NPHP1: variants seen among roughly 807,000 people sequenced by gnomAD.
NPHP1 encodes the protein nephrocystin-1.
A neutral mutation model predicts 90.4 loss-of-function variants in NPHP1; 70 were observed. That is an observed-to-expected ratio of 0.77 (90% CI 0.64 to 0.95). The LOEUF (loss-of-function observed/expected upper bound fraction) is 0.95, where lower values mean the gene tolerates loss of function less well. Among genes scored for constraint, NPHP1 ranks in the 40% least tolerant of loss-of-function variants. The pLI is 0.00. For missense variants in NPHP1, 764 were observed against 795.9 expected, an observed-to-expected ratio of 0.96 and a Z score of 0.48; for synonymous variants, 256 against 271.7, an observed-to-expected ratio of 0.94 and a Z score of 0.57.
chr2:110,168,673 T>A (rs1180998510), intron 5 of NPHP1, 120 bp from the exon 6 acceptor site: 2 of 715,478 alleles, frequency 2.8e-6, no homozygotes, highest in African/African-American at 3.6e-5. Context: ...AATCCAATAT[T>A]TATCCTAAGG....
chr2:110,173,101 G>A (rs1346739416), intron 4 of NPHP1, among the ~76,000 whole-genome samples: 1 of 151,686 alleles, frequency 6.6e-6, no homozygotes, highest in Non-Finnish European at 1.5e-5. Flanking sequence ...TGGGACTACA[G>A]GCATGCACCA....
At chr2:110,169,505 A>G (rs1682958950) in intron 5 of NPHP1, among the ~76,000 whole-genome samples, 1 of 152,122 alleles carries the variant, frequency 6.6e-6, no homozygotes, top group Admixed American at 6.5e-5. Flanking sequence ...CCACCTATGG[A>G]CATTGCCTAA....
chr2:110,138,933 C>A (rs1680422922), intron 16 of NPHP1, among the ~76,000 whole-genome samples: 1 of 152,030 alleles, frequency 6.6e-6, no homozygotes, highest in South Asian at 2.1e-4. Context: ...ATTAGATATT[C>A]TTTAGAGAAA....
At chr2:110,137,936 C>T (rs1680328070) in intron 16 of NPHP1, among the ~76,000 whole-genome samples, 1 of 150,880 alleles carries the variant, frequency 6.6e-6, no homozygotes, top group African/African-American at 2.4e-5. Context: ...AAATGTCCAA[C>T]AATGATAGAC....
At chr2:110,150,725 T>A (rs1239471818) in intron 11 of NPHP1, among the ~76,000 whole-genome samples, 1 of 151,742 alleles carries the variant, frequency 6.6e-6, no homozygotes, top group East Asian at 2.0e-4. Context: ...AATTTTTGTA[T>A]TTTTAGTAGA....
chr2:110,165,096 T>C lies in NPHP1; in HGVS notation c.684A>G (p.Val228=), dbSNP rs138705625. ...CATCTGCTGTTTCATCCACCGCCTC[T>C]ACATCTTCTTCACTGCCCTCTTCAC... is the stretch of plus-strand genomic sequence containing the variant. ...ESSEEGSEED[V]EAVDETADGA... is the part of the protein sequence containing the mutation. Residue 228 remains valine (V), a synonymous_variant, in exon 7 of 20, where the codon GTA becomes GTG. Transcript: ENST00000445609. 5.6e-6 allele frequency: 9 copies of C among 1,613,896 alleles called. No homozygotes were observed. The highest frequency in any genetic ancestry group is 7.6e-6 in the Non-Finnish European group (9 of 1,179,832).
At chr2:110,176,353 A>C (rs1039757459) in intron 4 of NPHP1, among the ~76,000 whole-genome samples, 3 of 151,940 alleles carry the variant, frequency 2.0e-5, no homozygotes, top group African/African-American at 7.3e-5. Context: ...CATTTCATTC[A>C]TCTTTTCTTC....
At chr2:110,140,140 G>A (rs1473441323) in intron 16 of NPHP1, among the ~76,000 whole-genome samples, 2 of 151,930 alleles carry the variant, frequency 1.3e-5, no homozygotes, top group East Asian at 1.9e-4. Flanking sequence ...CCCAACTCAC[G>A]TTTGAAATTC....
chr2:110,193,181 T>C (rs1490107243), intron 2 of NPHP1, among the ~76,000 whole-genome samples: 2 of 152,146 alleles, frequency 1.3e-5, no homozygotes, highest in Non-Finnish European at 2.9e-5. Flanking sequence ...GTAAATGGGC[T>C]AAATGCTCCA....
At position 110,161,668 on chromosome 2, in the gene NPHP1, G is replaced by T. The variant is rs771017776; in HGVS notation, c.889C>A (p.Gln297Lys). 5 of 1,612,934 alleles carry T rather than the reference G, an allele frequency of 3.1e-6. No individual in the cohort carries two copies. Among genetic ancestry groups the T allele is most frequent in the Non-Finnish European group, 4.2e-6 (5 of 1,179,080 alleles). The change falls in exon 10 of 20, where the codon CAA (glutamine) becomes AAA (lysine). Residue 297 changes from glutamine to lysine, a missense_variant. Physicochemically the swap from Gln to Lys is moderately conservative, Grantham distance 53. Coordinates refer to ENST00000445609, the MANE Select transcript of NPHP1 (RefSeq NM_001128178.3). Reference sequence around the variant, plus strand: ...AGTTGTGAAGGCATGAGCTCTGGTTGTAAGAAGTAATTTGCTCGAAATTGA... The same window carrying T: ...AGTTGTGAAGGCATGAGCTCTGGTTTTAAGAAGTAATTTGCTCGAAATTGA... ...GNQFRANYFLQPELMPSQLAF... is the reference protein window; with the variant it reads ...GNQFRANYFLKPELMPSQLAF...
At chr2:110,180,790 A>G (rs1274767589) in intron 2 of NPHP1, among the ~76,000 whole-genome samples, 3 of 151,930 alleles carry the variant, frequency 2.0e-5, no homozygotes, top group Non-Finnish European at 4.4e-5. Context: ...TGCCCAGAAA[A>G]CCATGTTTCT....
At chr2:110,127,113 G>C (rs1010692463) in intron 18 of NPHP1, 3 of 152,232 alleles carry the variant, frequency 2.0e-5, no homozygotes, top group African/African-American at 7.2e-5. Flanking sequence ...AAGTGGCCCA[G>C]GCCCCTTTGA....
At chr2:110,163,810 G>C (rs1425520300) in intron 8 of NPHP1, 1 of 154,402 alleles carries the variant, frequency 6.5e-6, no homozygotes, top group Non-Finnish European at 1.4e-5. Context: ...ACAGACATGC[G>C]CTACCACGCC....
At chr2:110,182,239 C>T (rs1683956632) in intron 2 of NPHP1, among the ~76,000 whole-genome samples, 1 of 151,976 alleles carries the variant, frequency 6.6e-6, no homozygotes, top group African/African-American at 2.4e-5. Flanking sequence ...AGAATTCCCC[C>T]AACCTAGCAA....
chr2:110,195,363 AACAG>A (rs1161764250), intron 2 of NPHP1, among the ~76,000 whole-genome samples: 1 of 151,904 alleles, frequency 6.6e-6, no homozygotes, highest in Non-Finnish European at 1.5e-5. Context: ...ATATACCAAT[AACAG>A]ACAGAGAGCC....
chr2:110,146,100 T>G (rs957415640), intron 14 of NPHP1, among the ~76,000 whole-genome samples: 1 of 152,174 alleles, frequency 6.6e-6, no homozygotes, highest in Non-Finnish European at 1.5e-5. Flanking sequence ...AATTTTATAA[T>G]CCAAATTTGG....
At chr2:110,142,660 G>C (rs1439757185) in intron 16 of NPHP1, among the ~76,000 whole-genome samples, 2 of 151,990 alleles carry the variant, frequency 1.3e-5, no homozygotes, top group Non-Finnish European at 2.9e-5. Context: ...CCTACAACTA[G>C]TCTACTGAAC....
Position 110,124,936 on chromosome 2 carries a change from A to G in NPHP1, c.1761+701T>C, listed in dbSNP as rs1192704772. 4.7e-5 allele frequency: 15 copies of G among 317,002 alleles called. No individual in the cohort carries two copies. In the East Asian group the frequency reaches 8.0e-4, roughly 17 times the overall value. The allele number at this position is 317,002 out of a possible 1,614,324, so 19.6% of individuals were successfully genotyped here. A position where few individuals can be genotyped will look rare whatever the true frequency, so the allele number is the denominator to read the frequency against. ...TTCATTTTCCTTGTAGATAATGAAT[A>G]CTTTAGATCAGGACTGGTAAAGTAT... On this transcript the variant is annotated intron_variant, in intron 19 of 19. Transcript: ENST00000445609.
chr2:110,123,782 C>T lies in NPHP1; in HGVS notation c.*9G>A. The T allele has an allele frequency of 3.7e-6, 6 of 1,613,502 alleles. No homozygotes were observed. The highest frequency in any genetic ancestry group is 1.3e-5 in the African/African-American group (1 of 75,036). On this transcript the variant is annotated 3_prime_UTR_variant, in exon 20 of 20. Coordinates refer to ENST00000445609, the MANE Select transcript of NPHP1 (RefSeq NM_001128178.3). The stretch of plus-strand genomic sequence containing the variant: ...TCCGTGGGAAGCTGAGGGCTAGAGG[C>T]TGCCACTGTCACACTGCATTCTTTC...
Sources: gnomAD v4.1 joint callset for allele counts (sites outside exome capture counted in the v4.1 genomes callset) on GRCh38, gnomAD v4.1.1 for gene constraint, MANE v1.5 for transcripts, NCBI Gene and HGNC (gene_info 2026-07-23, HGNC 2026-07-21) for gene names.